The following DCHS2 variants were observed in gnomAD, a reference collection of about 807,000 sequenced individuals.
The protein encoded by DCHS2 is protocadherin-23.
Under a neutral mutation model 182.4 loss-of-function variants are expected in DCHS2, and 142 were observed. That is an observed-to-expected ratio of 0.78 (90% CI 0.68 to 0.89). The LOEUF (loss-of-function observed/expected upper bound fraction) is 0.89, where lower values mean the gene tolerates loss of function less well. DCHS2 is among the 40% of genes least tolerant of loss of function. The pLI, the probability that DCHS2 is intolerant of heterozygous loss-of-function variation, is 0.00. For synonymous variants in DCHS2, 1,740 were observed against 1,663.3 expected (o/e 1.05, Z -1.12); for missense variants, 4,319 against 4,198.6 (o/e 1.03, Z -0.79).
chr4:154,383,669 CATCAGG>C (rs1345590137), intron 1 of DCHS2, among the ~76,000 whole-genome samples: 1 of 152,076 alleles, frequency 6.6e-6, no homozygotes, highest in African/African-American at 2.4e-5. Flanking sequence ...ACATCCCCCT[CATCAGG>C]ATAATAGGGC....
At chr4:154,244,567 T>G (rs1731987356) in intron 16 of DCHS2, among the ~76,000 whole-genome samples, 2 of 152,216 alleles carry the variant, frequency 1.3e-5, no homozygotes, top group Non-Finnish European at 2.9e-5. Context: ...CACTTTCACT[T>G]TGTTTTCATT....
chr4:154,416,503 G>A (rs1327389121), intron 1 of DCHS2, among the ~76,000 whole-genome samples: 3 of 152,146 alleles, frequency 2.0e-5, no homozygotes, highest in Admixed American at 6.5e-5. Flanking sequence ...GGCTCCCTGA[G>A]TCCTGCTCCT....
chr4:154,380,478 G>C (rs1255691385), intron 1 of DCHS2, among the ~76,000 whole-genome samples: 2 of 152,010 alleles, frequency 1.3e-5, no homozygotes, highest in Non-Finnish European at 2.9e-5. Context: ...AAAGCCATAT[G>C]GTATTCTCAA....
chr4:154,320,890 C>A lies in DCHS2; in HGVS notation c.4509G>T (p.Gln1503His). Residue 1503 changes from glutamine to histidine, a missense_variant, in exon 9 of 20, where the codon CAG becomes CAT. By Grantham distance (24) the Gln-to-His change is conservative. Coordinates refer to ENST00000357232, the MANE Select transcript of DCHS2 (RefSeq NM_001358235.2). ...TVFLSIDVED[Q>H]NDHSPSFQDE... The stretch of plus-strand genomic sequence containing the variant: ...CCTGGAAAGATGGGGAATGGTCATT[C>A]TGATCTTCCACATCGATACTAAGGA... 1 of 1,614,052 alleles carries A rather than the reference C, an allele frequency of 6.2e-7. No individual in the cohort carries two copies. Among genetic ancestry groups the A allele is most frequent in the Non-Finnish European group, 8.5e-7 (1 of 1,180,010 alleles).
intron 16 of DCHS2, among the ~76,000 whole-genome samples, chr4:154,252,097 T>C (rs1228307858): frequency 6.6e-6 from 1 of 152,174 alleles, no homozygotes; most frequent in African/African-American, 2.4e-5. Context: ...TTTTAAAAAA[T>C]GCATCACTAA....
chr4:154,465,546 G>A (rs1038740013), intron 1 of DCHS2, among the ~76,000 whole-genome samples: 10 of 152,002 alleles, frequency 6.6e-5, no homozygotes, highest in African/African-American at 1.7e-4. Context: ...GCGCACCCCT[G>A]TAATCCCAGC....
chr4:154,246,673 C>A (rs553248065), intron 16 of DCHS2, among the ~76,000 whole-genome samples: 1 of 152,054 alleles, frequency 6.6e-6, no homozygotes, highest in African/African-American at 2.4e-5. Flanking sequence ...ACAACATGTG[C>A]ATAAAACAAG....
At position 154,489,944 on chromosome 4, in the gene DCHS2, A is replaced by G. The variant is rs1334394144; in HGVS notation, c.1412T>C (p.Leu471Ser). 13 of 1,542,498 alleles carry G rather than the reference A, an allele frequency of 8.4e-6. No individual in the cohort carries two copies. The highest frequency in any genetic ancestry group is 5.5e-5 in the African/African-American group (4 of 72,614). Reference protein sequence around the residue: ...GLGDGSISLSLEGGEGDFALL... With the variant: ...GLGDGSISLSSEGGEGDFALL... Reference sequence around the variant, plus strand: ...CGCGAAGTCTCCCTCTCCGCCTTCCAAGGACAGAGAGATGCTCCCGTCTCC... The same window carrying G: ...CGCGAAGTCTCCCTCTCCGCCTTCCGAGGACAGAGAGATGCTCCCGTCTCC... The change falls in exon 1 of 20, where the codon TTG (leucine) becomes TCG (serine). Residue 471 changes from leucine (L) to serine (S), a missense_variant. Physicochemically the swap from Leu to Ser is moderately radical, Grantham distance 145. Coordinates refer to ENST00000357232, the MANE Select transcript of DCHS2 (RefSeq NM_001358235.2).
chr4:154,474,603 G>C (rs1735611389), intron 1 of DCHS2, among the ~76,000 whole-genome samples: 2 of 152,130 alleles, frequency 1.3e-5, no homozygotes, highest in Non-Finnish European at 2.9e-5. Context: ...GTTCCCAAGA[G>C]CACACACCAA....
At chr4:154,478,058 TTAAA>T (rs1252327917) in intron 1 of DCHS2, among the ~76,000 whole-genome samples, 3 of 145,282 alleles carry the variant, frequency 2.1e-5, no homozygotes, top group East Asian at 1.9e-4. Context: ...TTAAAAATAC[TTAAA>T]TAATTTTAAA....
At chr4:154,307,271 T>A (rs1321109132) in intron 10 of DCHS2, among the ~76,000 whole-genome samples, 1 of 152,220 alleles carries the variant, frequency 6.6e-6, no homozygotes, top group Non-Finnish European at 1.5e-5. Context: ...TTGGCCTCAT[T>A]CTATCACCTC....
chr4:154,311,381 G>GC (rs1735664435), intron 10 of DCHS2, among the ~76,000 whole-genome samples: 1 of 151,538 alleles, frequency 6.6e-6, no homozygotes, highest in Admixed American at 6.6e-5. Flanking sequence ...ACAGGAGCAT[G>GC]CCACCATACC....
chr4:154,238,400 G>C (rs1278648686), intron 19 of DCHS2, among the ~76,000 whole-genome samples: 2 of 152,148 alleles, frequency 1.3e-5, no homozygotes, highest in Non-Finnish European at 2.9e-5. Flanking sequence ...TAGAGATGGG[G>C]AACACAGAGT....
intron 10 of DCHS2, among the ~76,000 whole-genome samples, chr4:154,307,793 C>T (rs1196571667): frequency 6.6e-6 from 1 of 152,224 alleles, no homozygotes; most frequent in African/African-American, 2.4e-5. Context: ...TCCATAATCA[C>T]CCCTCTTCCA....
chr4:154,421,552 G>A (rs1407875600), intron 1 of DCHS2, among the ~76,000 whole-genome samples: 1 of 152,064 alleles, frequency 6.6e-6, no homozygotes, highest in African/African-American at 2.4e-5. Context: ...CAGCCACCAT[G>A]TCTGGCTAAT....
At position 154,235,750 on chromosome 4, in the gene DCHS2, T is replaced by A; in HGVS notation, c.8902A>T (p.Lys2968Ter). ...IIAHSPKSDSKFASCTVFVNV... is the reference protein window; with the variant it reads ...IIAHSPKSDS ...ACAAAAACAGTGCAAGATGCAAACT[T>A]GGAATCTGATTTGGGACTATGAGCG... The change falls in exon 20 of 20, where the codon AAG becomes TAG. Residue 2968 changes from lysine to a stop codon, truncating the protein, a stop_gained. Coordinates refer to ENST00000357232, the MANE Select transcript of DCHS2 (RefSeq NM_001358235.2). LOFTEE classifies it low-confidence loss of function (END_TRUNC). 1 of 1,614,068 alleles carries A rather than the reference T, an allele frequency of 6.2e-7. No homozygotes were observed. The highest frequency in any genetic ancestry group is 2.2e-5 in the East Asian group (1 of 44,862).
At chr4:154,268,801 T>G (rs1733423168) in intron 14 of DCHS2, among the ~76,000 whole-genome samples, 1 of 152,184 alleles carries the variant, frequency 6.6e-6, no homozygotes, top group Admixed American at 6.5e-5. Flanking sequence ...GATGTTCCTG[T>G]GAATGACCTC....
At chr4:154,264,991 T>C (rs920013920) in intron 14 of DCHS2, among the ~76,000 whole-genome samples, 3 of 152,184 alleles carry the variant, frequency 2.0e-5, no homozygotes, top group African/African-American at 7.2e-5. Flanking sequence ...GAAGAGAATA[T>C]TGATTAATGT....
intron 1 of DCHS2, chr4:154,384,271 C>A: frequency 6.7e-7 from 1 of 1,499,492 alleles, no homozygotes; most frequent in South Asian, 1.3e-5. Context: ...TATTTGGCAG[C>A]CGTTCACACA....
Sources: gnomAD v4.1 joint callset for allele counts (sites outside exome capture counted in the v4.1 genomes callset) on GRCh38, gnomAD v4.1.1 for gene constraint, MANE v1.5 for transcripts, NCBI Gene and HGNC (gene_info 2026-07-23, HGNC 2026-07-21) for gene names.